Variants in COL4A3 observed in about 807,000 individuals in gnomAD.
The protein encoded by COL4A3 is collagen type IV alpha 3 chain.
Under a neutral mutation model 217.4 loss-of-function variants are expected in COL4A3, and 135 were observed. That is an observed-to-expected ratio of 0.62 (90% CI 0.54 to 0.72). The LOEUF is 0.72. Among genes scored for constraint, COL4A3 ranks in the 30% least tolerant of loss-of-function variants. COL4A3 has a pLI of 0.00. For synonymous variants in COL4A3, 690 were observed against 736.3 expected, an observed-to-expected ratio of 0.94 and a Z score of 1.02; for missense variants, 1,868 against 2,119.9, an observed-to-expected ratio of 0.88 and a Z score of 2.33.
intron 1 of COL4A3, among the ~76,000 whole-genome samples, chr2:227,235,080 C>T (rs780929948): frequency 5.3e-5 from 8 of 152,262 alleles, no homozygotes; most frequent in South Asian, 2.1e-4. Flanking sequence ...GCTTTCCTTT[C>T]GGAGGCCCTG....
At chr2:227,264,951 T>C (rs993522598) in intron 21 of COL4A3, 2 of 152,250 alleles carry the variant, frequency 1.3e-5, no homozygotes, top group African/African-American at 4.8e-5. Flanking sequence ...CAGCTTCAAG[T>C]TCAAGTCCAG....
intron 1 of COL4A3, among the ~76,000 whole-genome samples, chr2:227,235,964 G>C (rs1054269760): frequency 1.3e-5 from 2 of 151,926 alleles, no homozygotes; most frequent in African/African-American, 4.8e-5. Flanking sequence ...AGTAGAGATG[G>C]GGTTTTGCCA....
At chr2:227,245,091 G>A in intron 5 of COL4A3, 96 bp downstream of exon 5, 10 of 1,212,326 alleles carry the variant, frequency 8.2e-6, no homozygotes, top group Non-Finnish European at 8.6e-6. Flanking sequence ...GTGTTCTGAT[G>A]CATTTGTTAC....
At chr2:227,266,734 A>G (rs888967152) in intron 22 of COL4A3, among the ~76,000 whole-genome samples, 1 of 152,210 alleles carries the variant, frequency 6.6e-6, no homozygotes, top group East Asian at 1.9e-4. Context: ...GCCTGCATGC[A>G]AGGAAAGAAA....
chr2:227,284,851 A>G (rs1264656324), intron 34 of COL4A3, among the ~76,000 whole-genome samples: 1 of 152,220 alleles, frequency 6.6e-6, no homozygotes, highest in Non-Finnish European at 1.5e-5. Flanking sequence ...TTAACCCTTT[A>G]GAAAGACTGT....
chr2:227,188,145 G>A (rs765350072), intron 1 of COL4A3, among the ~76,000 whole-genome samples: 1 of 151,996 alleles, frequency 6.6e-6, no homozygotes, highest in Non-Finnish European at 1.5e-5. Context: ...TACTCCAGTA[G>A]AAAAGTATGT....
chr2:227,190,030 T>C (rs763031044), intron 1 of COL4A3, among the ~76,000 whole-genome samples: 6 of 151,982 alleles, frequency 3.9e-5, no homozygotes, highest in Non-Finnish European at 7.4e-5. Context: ...GCTAGGTAGA[T>C]GGATGTGCTT....
intron 23 of COL4A3, among the ~76,000 whole-genome samples, chr2:227,269,057 T>C (rs1458212147): frequency 1.3e-5 from 2 of 152,094 alleles, no homozygotes; most frequent in Non-Finnish European, 2.9e-5. Flanking sequence ...TTGCAAAAAA[T>C]AGAATCTGAA....
chr2:227,215,697 G>A (rs1377650970), intron 1 of COL4A3, among the ~76,000 whole-genome samples: 1 of 152,134 alleles, frequency 6.6e-6, no homozygotes, highest in Non-Finnish European at 1.5e-5. Context: ...GACCTCAGGT[G>A]ATCCACCCGC....
intron 43 of COL4A3, among the ~76,000 whole-genome samples, chr2:227,299,557 G>A (rs1461938238): frequency 6.6e-6 from 1 of 152,044 alleles, no homozygotes; most frequent in Non-Finnish European, 1.5e-5. Context: ...ATTTGGGTGG[G>A]GACACAGCCA....
At chr2:227,235,142 G>T (rs918370780) in intron 1 of COL4A3, among the ~76,000 whole-genome samples, 30 of 148,402 alleles carry the variant, frequency 2.0e-4, no homozygotes, top group African/African-American at 7.6e-4. Flanking sequence ...GTGGGAGGGG[G>T]CACTGAGGAC....
chr2:227,213,914 AAAAAAG>A (rs1324956107), intron 1 of COL4A3, among the ~76,000 whole-genome samples: 9,055 of 145,146 alleles, frequency 0.062, 409 homozygotes, highest in African/African-American at 0.14. Flanking sequence ...AAAAAAAAAA[AAAAAAG>A]AAAAAGAAAA....
At chr2:227,281,136 A>G (rs942774319) in intron 31 of COL4A3, 130 bp downstream of exon 31, 2 of 728,614 alleles carry the variant, frequency 2.7e-6, no homozygotes, top group East Asian at 5.4e-5. Flanking sequence ...GAAATACTTC[A>G]GAAGTGTAAA....
Position 227,257,536 on chromosome 2 carries a change from T to C in COL4A3, c.988-67T>C. On this transcript the variant is annotated intron_variant, in intron 17 of 51. Transcript: ENST00000396578. ...ATATATTGTTCATTTTAACTGTACA[T>C]CTTGCTTTTTATATGTAAATACTTT... is the stretch of plus-strand genomic sequence containing the variant. 3.1e-6 allele frequency: 4 copies of C among 1,291,616 alleles called. No homozygotes were observed. The South Asian group carries it at 4.7e-5, about 15-fold the overall frequency. 80.0% of individuals were successfully genotyped at this position (1,291,616 alleles called of 1,614,324 possible). A position where few individuals can be genotyped will look rare whatever the true frequency, so the allele number is the denominator to read the frequency against.
intron 14 of COL4A3, 135 bp downstream of exon 14, chr2:227,254,309 GCA>G: frequency 1.3e-6 from 1 of 768,542 alleles, no homozygotes; most frequent in Non-Finnish European, 2.2e-6. Context: ...TACTCCACAG[GCA>G]GAGCAGCTAT....
chr2:227,230,883 C>G (rs542350930), intron 1 of COL4A3, among the ~76,000 whole-genome samples: 5 of 152,132 alleles, frequency 3.3e-5, no homozygotes, highest in Non-Finnish European at 7.4e-5. Context: ...GAACAGCAGC[C>G]AGAGAGCAGC....
intron 1 of COL4A3, among the ~76,000 whole-genome samples, chr2:227,184,337 G>A (rs1218263806): frequency 6.6e-6 from 1 of 152,172 alleles, no homozygotes; most frequent in African/African-American, 2.4e-5. Flanking sequence ...AAACTGTGAG[G>A]CACTTCAACT....
intron 46 of COL4A3, 36 bp from the exon 47 acceptor site, chr2:227,304,949 A>G (rs1371617269): frequency 1.3e-6 from 2 of 1,554,734 alleles, no homozygotes; most frequent in African/African-American, 1.4e-5. Context: ...TTCATCCTAT[A>G]TGATAAAATG....
intron 1 of COL4A3, among the ~76,000 whole-genome samples, chr2:227,214,562 G>T (rs1031221352): frequency 6.6e-6 from 1 of 152,130 alleles, no homozygotes; most frequent in Non-Finnish European, 1.5e-5. Context: ...GCCCACAGTT[G>T]TATCTTTTTA....
Sources: gnomAD v4.1 joint callset for allele counts (sites outside exome capture counted in the v4.1 genomes callset) on GRCh38, gnomAD v4.1.1 for gene constraint, MANE v1.5 for transcripts, NCBI Gene and HGNC (gene_info 2026-07-23, HGNC 2026-07-21) for gene names.